Variants in CCT6B observed in about 807,000 individuals in gnomAD.
CCT6B encodes probable T-complex protein 1 subunit zeta-2.
CCT6B carries 49 observed loss-of-function variants against 61.5 expected under a neutral mutation model. The ratio of observed to expected loss-of-function variants is 0.80; its 90% CI spans 0.63 to 1.01. CCT6B has a LOEUF of 1.01. CCT6B is among the 50% of genes least tolerant of loss of function. CCT6B has a pLI of 0.00. For synonymous variants in CCT6B, 228 were observed against 214.5 expected (o/e 1.06, Z -0.55); for missense variants, 666 against 634.7 (o/e 1.05, Z -0.53).
intron 10 of CCT6B, among the ~76,000 whole-genome samples, chr17:34,935,779 C>T (rs2142141361): frequency 6.6e-6 from 1 of 152,086 alleles, no homozygotes; most frequent in Non-Finnish European, 1.5e-5. Flanking sequence ...TTCGCTTGAA[C>T]CTGGGAAGCA....
rs201276129 is a variant in CCT6B at position 34,953,341 on chromosome 17, A to ATTT, written c.510+1082_510+1084dup. On this transcript the variant is annotated intron_variant, in intron 4 of 13. Coordinates refer to ENST00000314144, the MANE Select transcript of CCT6B (RefSeq NM_006584.4). Reference sequence around the variant, plus strand: ...AAAATATATATATATATATATATATATTTTTTTGAGACAAAGTTTCACTCT... The same window carrying ATTT: ...AAAATATATATATATATATATATATATTTTTTTTTTGAGACAAAGTTTCACTCT... Among the ~76,000 whole-genome samples the ATTT allele has an allele frequency of 3.7e-3, 515 of 139,806 alleles. 3 individuals are homozygous for ATTT. Among genetic ancestry groups the ATTT allele is most frequent in the African/African-American group, 0.012 (463 of 37,904 alleles). The allele number at this position is 139,806 out of a possible 152,430, so 91.7% of individuals were successfully genotyped here. A position where few individuals can be genotyped will look rare whatever the true frequency, so the allele number is the denominator to read the frequency against.
intron 11 of CCT6B, 132 bp downstream of exon 11, chr17:34,932,235 T>G: frequency 2.5e-6 from 2 of 793,452 alleles, no homozygotes; most frequent in Non-Finnish European, 3.7e-6. Context: ...GTAAAATATC[T>G]AAGAGAAAAC....
intron 10 of CCT6B, among the ~76,000 whole-genome samples, chr17:34,935,654 G>A (rs1227361125): frequency 2.6e-5 from 4 of 151,910 alleles, no homozygotes; most frequent in Admixed American, 6.6e-5. Context: ...TCAGGAGTTC[G>A]AGACCAGCCA....
chr17:34,935,059 A>T (rs1444734180), intron 10 of CCT6B, among the ~76,000 whole-genome samples: 1 of 152,226 alleles, frequency 6.6e-6, no homozygotes, highest in Non-Finnish European at 1.5e-5. Flanking sequence ...ATACAATAGA[A>T]TATTATTCAA....
At chr17:34,932,573 A>G in intron 10 of CCT6B, 73 bp from the exon 11 acceptor site, 35 of 1,369,896 alleles carry the variant, frequency 2.6e-5, no homozygotes, top group Non-Finnish European at 3.4e-5. Context: ...CAGAAAAGCA[A>G]TTCACTATTT....
rs190633184 is a variant in CCT6B at position 34,935,814 on chromosome 17, G to A, written c.1214-3314C>T. ...AGAGGTTGCAGTGAGCCAGGATTGC[G>A]CCATGGCACTCCAGCCTGGGCAACG... On this transcript the variant is annotated intron_variant, in intron 10 of 13. Coordinates refer to ENST00000314144, the MANE Select transcript of CCT6B (RefSeq NM_006584.4). 1.1e-4 allele frequency among the ~76,000 whole-genome samples: 16 copies of A among 151,496 alleles called. No individual in the cohort carries two copies. The South Asian group carries it at 1.3e-3, about 12-fold the overall frequency.
intron 5 of CCT6B, among the ~76,000 whole-genome samples, chr17:34,950,952 G>C (rs1372015586): frequency 6.7e-6 from 1 of 150,140 alleles, no homozygotes; most frequent in East Asian, 1.9e-4. Context: ...AGAAGAAGAA[G>C]AAGAAGAAAA....
Position 34,959,633 on chromosome 17 carries a change from C to G in CCT6B, c.155G>C (p.Gly52Ala). Reference protein sequence around the residue: ...GTMKMLVSGAGDIKLTKDGNV... With the variant: ...GTMKMLVSGAADIKLTKDGNV... ...GCCATCTTTGGTGAGTTTGATGTCA[C>G]CTGCACCAGAAACAAGCCTGTTCAG... The change falls in exon 2 of 14, where the codon GGT becomes GCT. Residue 52 changes from glycine (G) to alanine (A), a missense_variant. Coordinates refer to ENST00000314144, the MANE Select transcript of CCT6B (RefSeq NM_006584.4). 1.9e-6 allele frequency: 3 copies of G among 1,612,602 alleles called. No homozygotes were observed. Among genetic ancestry groups the G allele is most frequent in the Non-Finnish European group, 2.5e-6 (3 of 1,178,678 alleles).
chr17:34,957,512 G>A (rs1260014950), intron 3 of CCT6B, among the ~76,000 whole-genome samples: 1 of 152,156 alleles, frequency 6.6e-6, no homozygotes, highest in Non-Finnish European at 1.5e-5. Context: ...AAGAGACAAA[G>A]AACCTGTGTA....
intron 5 of CCT6B, chr17:34,944,553 T>C (rs2056256479): frequency 6.6e-6 from 1 of 152,280 alleles, no homozygotes; most frequent in Non-Finnish European, 1.5e-5. Context: ...TCAGTTACCA[T>C]TCTCTCTTGA....
At chr17:34,961,217 G>A in intron 1 of CCT6B, 40 bp downstream of exon 1, 1 of 1,569,926 alleles carries the variant, frequency 6.4e-7, no homozygotes, top group Admixed American at 1.8e-5. Flanking sequence ...ACACCAACGG[G>A]CCCCTAGCCG....
chr17:34,940,036 G>A (rs1398674527), intron 8 of CCT6B, among the ~76,000 whole-genome samples: 1 of 151,974 alleles, frequency 6.6e-6, no homozygotes, highest in African/African-American at 2.4e-5. Context: ...GCATTCTCGG[G>A]TGGGTTTGCA....
At chr17:34,953,885 C>T (rs62064821) in intron 4 of CCT6B, among the ~76,000 whole-genome samples, 6,595 of 152,068 alleles carry the variant, frequency 0.043, 224 homozygotes, top group Middle Eastern at 0.062. Context: ...ACCTGGGAGA[C>T]GGGGGTTGCA....
chr17:34,936,033 C>T lies in CCT6B; in HGVS notation c.1213+3150G>A, dbSNP rs535446303. ...TGGCACGATCTCGGCTCACTACAAC[C>T]TCCACCTCCCAGGTTCAAGCAATTC... On this transcript the variant is annotated intron_variant, in intron 10 of 13. Transcript: ENST00000314144. Among the ~76,000 whole-genome samples the T allele has an allele frequency of 3.0e-4, 46 of 152,140 alleles. No individual in the cohort carries two copies. The South Asian group carries it at 9.1e-3, about 30-fold the overall frequency.
intron 1 of CCT6B, among the ~76,000 whole-genome samples, chr17:34,960,876 CACT>C (rs1300116277): frequency 3.9e-5 from 6 of 152,228 alleles, no homozygotes; most frequent in East Asian, 1.9e-4. Context: ...GTGTCCTCTC[CACT>C]ACAATACATT....
chr17:34,957,937 G>T lies in CCT6B; in HGVS notation c.336+623C>A, dbSNP rs546055982. 3.1e-4 allele frequency among the ~76,000 whole-genome samples: 47 copies of T among 152,028 alleles called. No individual in the cohort carries two copies. The South Asian group carries it at 9.2e-3, about 30-fold the overall frequency. Reference sequence around the variant, plus strand: ...AAACCTTCAATAATTTTTCTCCAGTGGTTTTATAAAGGTGCATAATTTGGT... The same window carrying T: ...AAACCTTCAATAATTTTTCTCCAGTTGTTTTATAAAGGTGCATAATTTGGT... On this transcript the variant is annotated intron_variant, in intron 3 of 13. Transcript: ENST00000314144.
chr17:34,938,537 C>G (rs2090120674), intron 10 of CCT6B, among the ~76,000 whole-genome samples: 1 of 152,100 alleles, frequency 6.6e-6, no homozygotes, highest in Admixed American at 6.5e-5. Context: ...GCCTGGGTGA[C>G]AGAGCAAGAC....
At chr17:34,953,341 A>ATATATTTT (rs1555550678) in intron 4 of CCT6B, among the ~76,000 whole-genome samples, 2 of 139,828 alleles carry the variant, frequency 1.4e-5, no homozygotes, top group Non-Finnish European at 3.1e-5. Context: ...ATATATATAT[A>ATATATTTT]TTTTTTTGAG....
chr17:34,929,023 C>A lies in CCT6B; in HGVS notation c.1462G>T (p.Val488Leu). 1.2e-6 allele frequency: 2 copies of A among 1,606,442 alleles called. No individual in the cohort carries two copies. Among genetic ancestry groups the A allele is most frequent in the Non-Finnish European group, 1.7e-6 (2 of 1,174,390 alleles). ...GVDLNTGEPM[V>L]AADAGVWDNY... ...TCCCAAACTCCTGCATCTGCTGCTA[C>A]CATTGGCTCACCTGAAAAGTAAAAA... is the stretch of plus-strand genomic sequence containing the variant. Residue 488 changes from valine to leucine, a missense_variant, in exon 13 of 14, where the codon GTA becomes TTA. Coordinates refer to ENST00000314144, the MANE Select transcript of CCT6B (RefSeq NM_006584.4).
Sources: gnomAD v4.1 joint callset for allele counts (sites outside exome capture counted in the v4.1 genomes callset) on GRCh38, gnomAD v4.1.1 for gene constraint, MANE v1.5 for transcripts, NCBI Gene and HGNC (gene_info 2026-07-23, HGNC 2026-07-21) for gene names.